Variants in PEX5L observed in about 807,000 individuals in gnomAD.
The protein encoded by PEX5L is peroxisomal biogenesis factor 5 like.
A neutral mutation model predicts 84.0 loss-of-function variants in PEX5L; 30 were observed. The ratio of observed to expected loss-of-function variants is 0.36; its 90% CI spans 0.27 to 0.48. The LOEUF (loss-of-function observed/expected upper bound fraction) is 0.48, where lower values mean the gene tolerates loss of function less well. Ranked by LOEUF, PEX5L falls within the 20% of genes least tolerant of loss-of-function variation. PEX5L has a pLI of 0.99. For synonymous variants in PEX5L, 270 were observed against 283.1 expected, an observed-to-expected ratio of 0.95 and a Z score of 0.46; for missense variants, 533 against 754.6, an observed-to-expected ratio of 0.71 and a Z score of 3.44.
chr3:179,969,138 A>G (rs1460085895), intron 2 of PEX5L, among the ~76,000 whole-genome samples: 1 of 152,142 alleles, frequency 6.6e-6, no homozygotes, highest in East Asian at 1.9e-4. Context: ...TGACAGATTT[A>G]AAGAAATTAG....
intron 1 of PEX5L, among the ~76,000 whole-genome samples, chr3:180,028,733 C>G (rs1188237803): frequency 1.3e-5 from 2 of 152,170 alleles, no homozygotes; most frequent in African/African-American, 4.8e-5. Context: ...TTGAAGAAAA[C>G]TTTTTCAAAG....
In PEX5L at chr3:179,885,815, C is replaced by T. The variant is rs965091631; in HGVS notation, c.310+1858G>A. 7.9e-5 allele frequency among the ~76,000 whole-genome samples: 12 copies of T among 152,270 alleles called. No homozygotes were observed. The South Asian group carries it at 1.0e-3, about 13-fold the overall frequency. On this transcript the variant is annotated intron_variant, in intron 4 of 14. Coordinates refer to ENST00000467460, the MANE Select transcript of PEX5L (RefSeq NM_016559.3). ...GCCTGGAATAGATCCTCACTAAGCA[C>T]GTTCATGGGGTGCATGGCCCACCTG...
At position 179,796,127 on chromosome 3, in the gene PEX5L, C is replaced by T. The variant is rs1483933666; in HGVS notation, c.*5701G>A. 6.6e-6 allele frequency: 1 copy of T among 152,082 alleles called. No homozygotes were observed. The highest frequency in any genetic ancestry group is 1.5e-5 in the Non-Finnish European group (1 of 68,014). The allele number at this position is 152,082 out of a possible 1,614,324, so 9.4% of individuals were successfully genotyped here. A position where few individuals can be genotyped will look rare whatever the true frequency, so the allele number is the denominator to read the frequency against. ...ATTACCGAGCTGAGTGTGTATACCT[C>T]TTAGTCTTTTTGTGTTATACCATTT... On this transcript the variant is annotated 3_prime_UTR_variant, in exon 15 of 15. Transcript: ENST00000467460.
chr3:179,819,056 CAG>C (rs1456070787), intron 9 of PEX5L, among the ~76,000 whole-genome samples: 1 of 150,218 alleles, frequency 6.7e-6, no homozygotes, highest in African/African-American at 2.5e-5. Flanking sequence ...TTGGTAGAGA[CAG>C]GGTCTCACTC....
At chr3:179,847,904 C>A (rs938288569) in intron 8 of PEX5L, among the ~76,000 whole-genome samples, 2 of 151,180 alleles carry the variant, frequency 1.3e-5, no homozygotes, top group South Asian at 2.1e-4. Flanking sequence ...TGCCATATTG[C>A]CCAGGCTGGT....
chr3:179,991,987 G>A (rs1197854518), intron 1 of PEX5L, among the ~76,000 whole-genome samples: 2 of 152,058 alleles, frequency 1.3e-5, no homozygotes, highest in South Asian at 2.1e-4. Flanking sequence ...TAGCATATTA[G>A]ACATTTGTTT....
rs533924804 is a variant in PEX5L, at chr3:179,841,197, C to G, written c.822+17865G>C. On this transcript the variant is annotated intron_variant, in intron 8 of 14. Transcript: ENST00000467460. ...GCTTGAATGATTCAGTTTCTGCCTCCTCTGCCTGCTTCTTCAGCTGATCTC... is the reference window on the plus strand; with the variant it reads ...GCTTGAATGATTCAGTTTCTGCCTCGTCTGCCTGCTTCTTCAGCTGATCTC... 6.6e-5 allele frequency among the ~76,000 whole-genome samples: 10 copies of G among 152,308 alleles called. 1 individual carries two copies. Among genetic ancestry groups the G allele is most frequent in the Admixed American group, 6.5e-4 (10 of 15,304 alleles).
chr3:179,991,606 T>C (rs1280670558), intron 1 of PEX5L, among the ~76,000 whole-genome samples: 1 of 152,190 alleles, frequency 6.6e-6, no homozygotes, highest in Middle Eastern at 3.2e-3. Flanking sequence ...ATGAAGCTCT[T>C]TACCTGTGGT....
intron 1 of PEX5L, among the ~76,000 whole-genome samples, chr3:180,008,213 C>G (rs936816316): frequency 2.0e-5 from 3 of 152,310 alleles, no homozygotes; most frequent in Admixed American, 2.0e-4. Context: ...CGAAATTCCA[C>G]AAATCTCTAG....
At chr3:180,004,778 T>C (rs999446896) in intron 1 of PEX5L, among the ~76,000 whole-genome samples, 2 of 151,658 alleles carry the variant, frequency 1.3e-5, no homozygotes, top group East Asian at 3.9e-4. Context: ...GCAGTCAAAT[T>C]TGAACATCAC....
At chr3:179,815,132 C>G (rs1725538078) in intron 10 of PEX5L, among the ~76,000 whole-genome samples, 1 of 152,206 alleles carries the variant, frequency 6.6e-6, no homozygotes, top group African/African-American at 2.4e-5. Context: ...TATGTTTTCT[C>G]AGCTTTTAAT....
chr3:180,028,083 T>C (rs1446316224), intron 1 of PEX5L, among the ~76,000 whole-genome samples: 1 of 152,192 alleles, frequency 6.6e-6, no homozygotes, highest in Non-Finnish European at 1.5e-5. Context: ...AGTTCCTTTT[T>C]TTCTTTTGTA....
intron 7 of PEX5L, among the ~76,000 whole-genome samples, chr3:179,862,032 C>T (rs893028839): frequency 6.6e-6 from 1 of 152,182 alleles, no homozygotes; most frequent in Non-Finnish European, 1.5e-5. Context: ...GTTCTGGAGA[C>T]TAGAATTCCA....
At chr3:179,859,768 A>G (rs1306904382) in intron 7 of PEX5L, among the ~76,000 whole-genome samples, 1 of 152,230 alleles carries the variant, frequency 6.6e-6, no homozygotes, top group Admixed American at 6.5e-5. Flanking sequence ...ATCATGTCTG[A>G]TAAGGCCAAC....
chr3:179,896,547 C>T (rs115655861), intron 3 of PEX5L, among the ~76,000 whole-genome samples: 125 of 152,020 alleles, frequency 8.2e-4, no homozygotes, highest in African/African-American at 2.8e-3. Context: ...TAAATGCAAG[C>T]CTAGGTTATA....
chr3:180,017,365 A>G (rs1446928925), intron 1 of PEX5L, among the ~76,000 whole-genome samples: 1 of 152,232 alleles, frequency 6.6e-6, no homozygotes, highest in South Asian at 2.1e-4. Flanking sequence ...TTCAAGCCCC[A>G]GGATGCCTTT....
intron 1 of PEX5L, among the ~76,000 whole-genome samples, chr3:180,004,500 T>A (rs148180558): frequency 9.9e-4 from 151 of 152,302 alleles, no homozygotes; most frequent in Middle Eastern, 6.8e-3. Context: ...CTAATATGAA[T>A]GAAATGGTTC....
intron 8 of PEX5L, among the ~76,000 whole-genome samples, chr3:179,856,832 T>C (rs1314930268): frequency 6.6e-6 from 1 of 152,192 alleles, no homozygotes; most frequent in Non-Finnish European, 1.5e-5. Flanking sequence ...AATTCTGTAC[T>C]TACCATTCTT....
chr3:179,810,975 T>G (rs1723538306), intron 11 of PEX5L, among the ~76,000 whole-genome samples: 1 of 152,144 alleles, frequency 6.6e-6, no homozygotes, highest in Non-Finnish European at 1.5e-5. Flanking sequence ...GACCTTGACC[T>G]TTCCTGATCC....
Sources: gnomAD v4.1 joint callset for allele counts (sites outside exome capture counted in the v4.1 genomes callset) on GRCh38, gnomAD v4.1.1 for gene constraint, MANE v1.5 for transcripts, NCBI Gene and HGNC (gene_info 2026-07-23, HGNC 2026-07-21) for gene names.